NME1: variants seen among roughly 807,000 people sequenced by gnomAD.
NME1 encodes NME/NM23 nucleoside diphosphate kinase 1.
NME1 carries 9 observed loss-of-function variants against 17.2 expected under a neutral mutation model. That is an observed-to-expected ratio of 0.52 (90% confidence interval 0.32 to 0.92). NME1 has a LOEUF of 0.92. Among genes scored for constraint, NME1 ranks in the 40% least tolerant of loss-of-function variants. The pLI is 0.04. For synonymous variants in NME1, 72 were observed against 70.8 expected (o/e 1.02, Z -0.09); for missense variants, 169 against 201.7 (o/e 0.84, Z 0.98).
At chr17:51,160,261 G>A (rs755004113) in intron 3 of NME1, 180 bp downstream of exon 3, 7 of 737,476 alleles carry the variant, frequency 9.5e-6, no homozygotes, top group East Asian at 8.2e-5. Flanking sequence ...AATAGGAGTA[G>A]CAAATGATCA....
intron 4 of NME1, chr17:51,161,477 G>A: frequency 1.5e-6 from 1 of 674,556 alleles, no homozygotes. Context: ...TGTAGAACCT[G>A]GTACAACACA....
At chr17:51,161,311 A>G (rs1412939573) in intron 4 of NME1, 39 bp downstream of exon 4, 1 of 1,550,680 alleles carries the variant, frequency 6.4e-7, no homozygotes. Context: ...CCAAAATCTG[A>G]TTTAGTTGCC....
At chr17:51,159,664 G>A (rs1339136378) in intron 2 of NME1, among the ~76,000 whole-genome samples, 1 of 152,112 alleles carries the variant, frequency 6.6e-6, no homozygotes, top group Non-Finnish European at 1.5e-5. Flanking sequence ...CTACCTACTC[G>A]GGAGTCTGAG....
intron 1 of NME1, chr17:51,154,346 C>A: frequency 6.2e-7 from 1 of 1,610,498 alleles, no homozygotes; most frequent in South Asian, 1.1e-5. Flanking sequence ...AAGAGGTTAA[C>A]TAAAGGACAG....
intron 1 of NME1, among the ~76,000 whole-genome samples, chr17:51,154,997 T>C (rs1186920717): frequency 6.6e-6 from 1 of 152,116 alleles, no homozygotes; most frequent in East Asian, 1.9e-4. Flanking sequence ...CCCAGCACTT[T>C]GGGAGGCTGA....
At chr17:51,158,597 A>G (rs1332494046) in intron 2 of NME1, among the ~76,000 whole-genome samples, 1 of 152,210 alleles carries the variant, frequency 6.6e-6, no homozygotes, top group Non-Finnish European at 1.5e-5. Context: ...GATCCCTACC[A>G]CGGAGTGATT....
intron 4 of NME1, 60 bp from the exon 5 acceptor site, chr17:51,161,668 C>A: frequency 8.2e-7 from 1 of 1,220,782 alleles, no homozygotes; most frequent in Non-Finnish European, 1.2e-6. Context: ...AGATTTCTGG[C>A]AATGGGCGCA....
At chr17:51,159,166 G>A (rs986148225) in intron 2 of NME1, among the ~76,000 whole-genome samples, 5 of 152,174 alleles carry the variant, frequency 3.3e-5, no homozygotes, top group Non-Finnish European at 4.4e-5. Flanking sequence ...AAATGAGATA[G>A]TTGAGGGCCA....
chr17:51,154,413 G>T, intron 1 of NME1: 2 of 1,614,148 alleles, frequency 1.2e-6, no homozygotes, highest in Non-Finnish European at 8.5e-7. Context: ...CTTTCAAGGC[G>T]AGGGGCCTCC....
chr17:51,156,174 A>G lies in NME1; in HGVS notation c.126+394A>G, dbSNP rs115397526. 2,657 of 322,208 alleles carry G rather than the reference A, an allele frequency of 8.2e-3. 39 individuals are homozygous for G. The highest frequency in any genetic ancestry group is 0.043 in the African/African-American group (2,000 of 46,236). 20.0% of individuals were successfully genotyped at this position (322,208 alleles called of 1,614,324 possible). On this transcript the variant is annotated intron_variant, in intron 2 of 4. Transcript: ENST00000393196. ...TGTTTTTTAGCAAGAAAGTCTTTCC[A>G]TCATCAATTACTAGACACTAATAAA...
chr17:51,162,095 T>G lies in NME1; in HGVS notation c.*250T>G. ...CATTGCTTTTTTTTCCTTCTTTTCA[T>G]GTACACTGAATAACCTGACCTAATA... On this transcript the variant is annotated 3_prime_UTR_variant, in exon 5 of 5. Transcript: ENST00000393196. The G allele has an allele frequency of 2.2e-6, 1 of 456,488 alleles. No individual in the cohort carries two copies. The highest frequency in any genetic ancestry group is 4.0e-6 in the Non-Finnish European group (1 of 247,608). 28.3% of individuals were successfully genotyped at this position (456,488 alleles called of 1,614,324 possible).
chr17:51,158,442 C>T (rs1286634366), intron 2 of NME1, among the ~76,000 whole-genome samples: 1 of 152,046 alleles, frequency 6.6e-6, no homozygotes, highest in Non-Finnish European at 1.5e-5. Context: ...TGTCTCAAAA[C>T]AAACAACAAA....
intron 1 of NME1, among the ~76,000 whole-genome samples, chr17:51,154,626 A>G (rs2049758040): frequency 6.6e-6 from 1 of 152,204 alleles, no homozygotes; most frequent in Admixed American, 6.5e-5. Context: ...ATAACATTAC[A>G]AGAATGGATT....
At chr17:51,159,191 C>T (rs780140279) in intron 2 of NME1, among the ~76,000 whole-genome samples, 4 of 152,208 alleles carry the variant, frequency 2.6e-5, no homozygotes, top group Admixed American at 6.5e-5. Flanking sequence ...TGGTGGGTCA[C>T]GCCTGTAAGC....
chr17:51,155,543 C>A, intron 1 of NME1, 108 bp from the exon 2 acceptor site: 1 of 1,524,246 alleles, frequency 6.6e-7, no homozygotes, highest in Non-Finnish European at 8.9e-7. Context: ...AGACCTGGAG[C>A]TGACCTGACA....
In NME1 at chr17:51,155,800, C is replaced by G; in HGVS notation, c.126+20C>G. 6.2e-7 allele frequency: 1 copy of G among 1,612,576 alleles called. No homozygotes were observed. The highest frequency in any genetic ancestry group is 8.5e-7 in the Non-Finnish European group (1 of 1,179,126). ...ATGCAAGTAAGTGGACTTCATTGTT[C>G]CCATTTTGATTCCTTCATAGTATAG... On this transcript the variant is annotated intron_variant, in intron 2 of 4. Coordinates refer to ENST00000393196, the MANE Select transcript of NME1 (RefSeq NM_000269.3).
intron 1 of NME1, 104 bp from the exon 2 acceptor site, chr17:51,155,547 C>T (rs1598235482): frequency 6.5e-7 from 1 of 1,539,998 alleles, no homozygotes. Context: ...CTGGAGCTGA[C>T]CTGACAGATT....
Position 51,154,088 on chromosome 17 carries a change from C to T in NME1, c.-5+426C>T, listed in dbSNP as rs1421937658. On this transcript the variant is annotated intron_variant, in intron 1 of 4. Coordinates refer to ENST00000393196, the MANE Select transcript of NME1 (RefSeq NM_000269.3). ...TTCTGGCGCTTTAGTCCTGTTTTCT[C>T]CTGGACAATTTATGCTTGCCCCGCA... 8.7e-6 allele frequency: 4 copies of T among 462,178 alleles called. No individual in the cohort carries two copies. The East Asian group carries it at 1.2e-4, about 14-fold the overall frequency. The allele number at this position is 462,178 out of a possible 1,614,324, so 28.6% of individuals were successfully genotyped here.
At position 51,159,058 on chromosome 17, in the gene NME1, A is replaced by G. The variant is rs934597393; in HGVS notation, c.127-922A>G. Among the ~76,000 whole-genome samples, 38 of 152,196 alleles carry G rather than the reference A, an allele frequency of 2.5e-4. 2 individuals carry two copies. Among genetic ancestry groups the G allele is most frequent in the Non-Finnish European group, 5.9e-5 (4 of 68,034 alleles). Reference sequence around the variant, plus strand: ...AATGGCCTGGTTTAGTTTGCTGCTCATTAAATGCCAAGACTTGCTTCCTGG... The same window carrying G: ...AATGGCCTGGTTTAGTTTGCTGCTCGTTAAATGCCAAGACTTGCTTCCTGG... On this transcript the variant is annotated intron_variant, in intron 2 of 4. Coordinates refer to ENST00000393196, the MANE Select transcript of NME1 (RefSeq NM_000269.3).
Sources: allele counts gnomAD v4.1 joint callset (sites outside exome capture counted in the v4.1 genomes callset), GRCh38; gene constraint gnomAD v4.1.1; transcripts MANE v1.5; gene names NCBI Gene and HGNC (gene_info 2026-07-23, HGNC 2026-07-21).